Variants in CDCA5 observed in about 807,000 individuals in gnomAD.
CDCA5 encodes the protein sororin.
In CDCA5, 14 loss-of-function variants were observed where a neutral mutation model predicts 25.7. That is an observed-to-expected ratio of 0.54 (90% CI 0.36 to 0.85). The LOEUF (loss-of-function observed/expected upper bound fraction) is 0.85. Among genes scored for constraint, CDCA5 ranks in the 40% least tolerant of loss-of-function variants. CDCA5 has a pLI of 0.01. For synonymous variants in CDCA5, 127 were observed against 128.7 expected, an observed-to-expected ratio of 0.99 and a Z score of 0.09; for missense variants, 307 against 324.5, an observed-to-expected ratio of 0.95 and a Z score of 0.41.
chr11:65,063,512 C>A (rs1947204542), downstream of CDCA5, among the ~76,000 whole-genome samples: 1 of 152,172 alleles, frequency 6.6e-6, no homozygotes, highest in South Asian at 2.1e-4. Flanking sequence ...CACAGTGGAA[C>A]CCCATGTTAC....
rs1464634348 is a variant in CDCA5, at chr11:65,079,438, G to A, written c.593C>T (p.Pro198Leu). ...LTEVPRVCAK[P>L]WAPDMTLPGI... ...AGGGAGAGTCATGTCTGGGGCCCAG[G>A]GCTTTGCACAAACCCTGGGGACCTC... The change falls in exon 5 of 6, where the codon CCC becomes CTC. Residue 198 changes from proline to leucine, a missense_variant. Physicochemically the swap from Pro to Leu is moderately conservative, Grantham distance 98. Coordinates refer to ENST00000275517, the MANE Select transcript of CDCA5 (RefSeq NM_080668.4). The A allele has an allele frequency of 6.2e-7, 1 of 1,614,062 alleles. No homozygotes were observed. Among genetic ancestry groups the A allele is most frequent in the East Asian group, 2.2e-5 (1 of 44,868 alleles).
rs572464737 is a variant in CDCA5 at position 65,066,631 on chromosome 11, C to G, written c.484G>C (p.Glu162Gln). The G allele has an allele frequency of 1.5e-5, 19 of 1,289,416 alleles. 1 individual carries two copies. The East Asian group carries it at 5.0e-4, about 34-fold the overall frequency. The allele number at this position is 1,289,416 out of a possible 1,614,324, so 79.9% of individuals were successfully genotyped here. The change falls in exon 6 of 7, where the codon GAG becomes CAG. Residue 162 changes from glutamate to glutamine, a missense_variant. Physicochemically the swap from Glu to Gln is conservative, Grantham distance 29 (BLOSUM62 2). Transcript: ENST00000525464. ...TCATCCTGGATGGCCTGGGCCTCCT[C>G]CTGGATGGCCTGGGCTCCCTCCTTC...
exon 5 of CDCA5, chr11:65,066,842 G>T (rs780608013): frequency 7.8e-7 from 1 of 1,289,378 alleles, no homozygotes; most frequent in South Asian, 1.2e-5. Context: ...CCCAGGGCCA[G>T]GTTGTGCACT....
rs1232258365 is a variant in CDCA5, at chr11:65,079,098, C to A, written c.*9G>T. On this transcript the variant is annotated 3_prime_UTR_variant, in exon 6 of 6. Coordinates refer to ENST00000275517, the MANE Select transcript of CDCA5 (RefSeq NM_080668.4). ...GGAGAGTCTGGCCAGGTGCACCCCC[C>A]ACTGCATCTCATTCAACCAGGAGAT... 4.0e-6 allele frequency: 6 copies of A among 1,515,576 alleles called. No individual in the cohort carries two copies. The highest frequency in any genetic ancestry group is 5.3e-6 in the Non-Finnish European group (6 of 1,134,840). The allele number at this position is 1,515,576 out of a possible 1,614,324, so 93.9% of individuals were successfully genotyped here.
chr11:65,083,931 A>G lies in CDCA5; in HGVS notation c.46+2T>C. The G allele has an allele frequency of 6.2e-7, 1 of 1,609,932 alleles. No individual in the cohort carries two copies. Among genetic ancestry groups the G allele is most frequent in the Non-Finnish European group, 8.5e-7 (1 of 1,179,830 alleles). On this transcript the variant is annotated splice_donor_variant, in intron 1 of 5. Transcript: ENST00000275517. LOFTEE classifies it high-confidence loss of function. ...CACGTCTCCCGCGCGCCCTCCGCTC[A>G]CCGGAGCGCTGAGCGGCTCCTCCGG... is the stretch of plus-strand genomic sequence containing the variant.
At chr11:65,071,566 G>C (rs1947344514) in intron 1 of CDCA5, among the ~76,000 whole-genome samples, 1 of 152,052 alleles carries the variant, frequency 6.6e-6, no homozygotes, top group Non-Finnish European at 1.5e-5. Flanking sequence ...GCCTGCCTCG[G>C]CCTCCCAAAG....
downstream of CDCA5, among the ~76,000 whole-genome samples, chr11:65,075,920 A>G (rs1947435648): frequency 6.6e-6 from 1 of 152,244 alleles, no homozygotes; most frequent in Admixed American, 6.5e-5. Context: ...GCAGTGCCAC[A>G]GCCCCAAAGA....
exon 3 of CDCA5, chr11:65,068,094 G>C (rs1048785023): frequency 3.1e-6 from 4 of 1,289,262 alleles, no homozygotes; most frequent in Admixed American, 2.3e-5. Flanking sequence ...GTGACGGTGG[G>C]TTCCAGTTGT....
At chr11:65,068,835 C>T (rs1947290391) in intron 1 of CDCA5, among the ~76,000 whole-genome samples, 1 of 152,240 alleles carries the variant, frequency 6.6e-6, no homozygotes, top group Non-Finnish European at 1.5e-5. Context: ...ATCTGTCTCA[C>T]ACAATGTTTG....
Position 65,078,362 on chromosome 11 carries a change from G to A in CDCA5, c.*745C>T. The A allele has an allele frequency of 1.0e-6, 1 of 985,770 alleles. No homozygotes were observed. The highest frequency in any genetic ancestry group is 1.2e-6 in the Non-Finnish European group (1 of 830,104). 61.1% of individuals were successfully genotyped at this position (985,770 alleles called of 1,614,324 possible). A position where few individuals can be genotyped will look rare whatever the true frequency, so the allele number is the denominator to read the frequency against. ...TCACAGCACCTGGTGGCCACACCCTGAAATGCACCCTTTGCTCCAAGCAGC... is the reference window on the plus strand; with the variant it reads ...TCACAGCACCTGGTGGCCACACCCTAAAATGCACCCTTTGCTCCAAGCAGC... On this transcript the variant is annotated 3_prime_UTR_variant, in exon 6 of 6. Coordinates refer to ENST00000275517, the MANE Select transcript of CDCA5 (RefSeq NM_080668.4).
At chr11:65,083,884 C>T in intron 1 of CDCA5, 49 bp downstream of exon 1, 1 of 1,607,234 alleles carries the variant, frequency 6.2e-7, no homozygotes, top group Non-Finnish European at 8.5e-7. Flanking sequence ...CACCGGACTG[C>T]GTCCCCCAAA....
chr11:65,083,297 A>C (rs1157438954), intron 4 of CDCA5, 67 bp downstream of exon 4: 2 of 1,580,918 alleles, frequency 1.3e-6, no homozygotes, highest in Non-Finnish European at 1.7e-6. Flanking sequence ...GTGAGGAGCC[A>C]ATGTGTGCTG....
At chr11:65,066,156 G>A (rs964067812), downstream of CDCA5, 15 of 230,134 alleles carry the variant, frequency 6.5e-5, no homozygotes, top group South Asian at 9.1e-4. Flanking sequence ...GGCCATGTCG[G>A]GGAGGGGTAG....
intron 4 of CDCA5, among the ~76,000 whole-genome samples, chr11:65,082,459 CTTTTTT>C (rs35061489): frequency 1.9e-5 from 2 of 103,088 alleles, no homozygotes; most frequent in African/African-American, 3.5e-5. Context: ...ACCTACTTGT[CTTTTTT>C]TTTTTTTTTT....
chr11:65,072,413 G>C (rs114000832), intron 1 of CDCA5, among the ~76,000 whole-genome samples: 142 of 152,342 alleles, frequency 9.3e-4, no homozygotes, highest in African/African-American at 3.3e-3. Context: ...GCTGTGTGGG[G>C]AACTGCCCTG....
At chr11:65,077,138 T>A (rs1397710009), downstream of CDCA5, among the ~76,000 whole-genome samples, 1 of 152,062 alleles carries the variant, frequency 6.6e-6, no homozygotes, top group African/African-American at 2.4e-5. Context: ...AATATAAAAA[T>A]TAGCCAGGCG....
At chr11:65,064,417 CAAAAAA>C (rs11318233), downstream of CDCA5, among the ~76,000 whole-genome samples, 1 of 86,330 alleles carries the variant, frequency 1.2e-5, no homozygotes. Context: ...GACTCTGTCG[CAAAAAA>C]AAAAAAAAAA....
chr11:65,079,891 C>CTTTTT, intron 4 of CDCA5, 104 bp from the exon 5 acceptor site: 2 of 544,818 alleles, frequency 3.7e-6, no homozygotes, highest in Non-Finnish European at 2.8e-6. Flanking sequence ...AGGACACACA[C>CTTTTT]TTTTTTTTTT....
chr11:65,063,605 C>A (rs1275310979), downstream of CDCA5, among the ~76,000 whole-genome samples: 1 of 152,228 alleles, frequency 6.6e-6, no homozygotes, highest in Non-Finnish European at 1.5e-5. Context: ...GCAGCGCCTG[C>A]ACATTCACGA....
Sources: allele counts gnomAD v4.1 joint callset (sites outside exome capture counted in the v4.1 genomes callset), GRCh38; gene constraint gnomAD v4.1.1; transcripts MANE v1.5; gene names NCBI Gene and HGNC (gene_info 2026-07-23, HGNC 2026-07-21).